HEG1: variants seen among roughly 807,000 people sequenced by gnomAD.
The protein encoded by HEG1 is heart development protein with EGF like domains 1.
HEG1 carries 56 observed loss-of-function variants against 125.6 expected under a neutral mutation model. The ratio of observed to expected loss-of-function variants is 0.45; its 90% CI spans 0.36 to 0.56. The LOEUF (loss-of-function observed/expected upper bound fraction) is 0.56, where lower values mean the gene tolerates loss of function less well. Among genes scored for constraint, HEG1 ranks in the 20% least tolerant of loss-of-function variants. The pLI is 0.00. For missense variants in HEG1, 1,523 were observed against 1,670.0 expected, an observed-to-expected ratio of 0.91 and a Z score of 1.53; for synonymous variants, 644 against 668.5, an observed-to-expected ratio of 0.96 and a Z score of 0.57.
At chr3:125,016,716 T>G (rs1937254493) in intron 5 of HEG1, among the ~76,000 whole-genome samples, 1 of 152,242 alleles carries the variant, frequency 6.6e-6, no homozygotes, top group South Asian at 2.1e-4. Context: ...CAATTAGGAT[T>G]CTTATATGGG....
At chr3:125,043,367 A>G (rs574161408) in intron 1 of HEG1, among the ~76,000 whole-genome samples, 32 of 152,182 alleles carry the variant, frequency 2.1e-4, no homozygotes, top group African/African-American at 7.2e-4. Flanking sequence ...GGAGTGAAAG[A>G]TGAAGGACCT....
intron 15 of HEG1, among the ~76,000 whole-genome samples, chr3:124,975,129 A>G (rs1333261845): frequency 2.6e-5 from 4 of 152,232 alleles, no homozygotes; most frequent in African/African-American, 4.8e-5. Flanking sequence ...GGCAATTTGG[A>G]AAATAATAGG....
rs1480925398 is a variant in HEG1, at chr3:124,969,413, G to C, written c.*1239C>G. ...GACTGGAAGTATAACCACGTTTCTGGAGGGTGCGACATAGCCATATGAAGA... is the reference window on the plus strand; with the variant it reads ...GACTGGAAGTATAACCACGTTTCTGCAGGGTGCGACATAGCCATATGAAGA... On this transcript the variant is annotated 3_prime_UTR_variant, in exon 17 of 17. Transcript: ENST00000311127. The C allele has an allele frequency of 6.6e-6, 1 of 152,228 alleles. No individual in the cohort carries two copies. The highest frequency in any genetic ancestry group is 1.5e-5 in the Non-Finnish European group (1 of 68,048). 9.4% of individuals were successfully genotyped at this position (152,228 alleles called of 1,614,324 possible). A position where few individuals can be genotyped will look rare whatever the true frequency, so the allele number is the denominator to read the frequency against.
At chr3:125,005,615 G>C (rs1937060548) in intron 8 of HEG1, among the ~76,000 whole-genome samples, 1 of 152,200 alleles carries the variant, frequency 6.6e-6, no homozygotes, top group Non-Finnish European at 1.5e-5. Context: ...ACTCCAAAGA[G>C]CCTTTTTTGT....
chr3:124,992,812 T>C (rs1159810988), intron 12 of HEG1, among the ~76,000 whole-genome samples: 1 of 152,252 alleles, frequency 6.6e-6, no homozygotes, highest in Non-Finnish European at 1.5e-5. Context: ...TTCTAAATCA[T>C]CTGTAATGTG....
At chr3:124,981,793 T>C (rs1453532938) in intron 14 of HEG1, among the ~76,000 whole-genome samples, 1 of 152,180 alleles carries the variant, frequency 6.6e-6, no homozygotes, top group Non-Finnish European at 1.5e-5. Context: ...TGGTGGATAA[T>C]TTGCTTTCTT....
rs188974447 is a variant in HEG1 at position 125,040,195 on chromosome 3, C to T, written c.317-10707G>A. Among the ~76,000 whole-genome samples the T allele has an allele frequency of 2.0e-5, 3 of 152,258 alleles. No homozygotes were observed. The East Asian group carries it at 5.8e-4, about 29-fold the overall frequency. On this transcript the variant is annotated intron_variant, in intron 1 of 16. Coordinates refer to ENST00000311127, the MANE Select transcript of HEG1 (RefSeq NM_020733.2). Reference sequence around the variant, plus strand: ...CTTCCAAGGGAAAATGTCTGGCAGACAGTTAAAGATTTGGGACCGTTGATT... The same window carrying T: ...CTTCCAAGGGAAAATGTCTGGCAGATAGTTAAAGATTTGGGACCGTTGATT...
intron 1 of HEG1, among the ~76,000 whole-genome samples, chr3:125,044,627 C>T (rs1268550277): frequency 2.0e-5 from 3 of 152,042 alleles, no homozygotes; most frequent in Non-Finnish European, 4.4e-5. Flanking sequence ...CAAGGTTACA[C>T]AGCAAATAGT....
chr3:125,046,749 G>C (rs1937677928), intron 1 of HEG1, among the ~76,000 whole-genome samples: 1 of 152,176 alleles, frequency 6.6e-6, no homozygotes, highest in Non-Finnish European at 1.5e-5. Context: ...AATCCAGGAG[G>C]TTTGCTGCAA....
intron 15 of HEG1, among the ~76,000 whole-genome samples, chr3:124,974,809 T>C (rs1936505552): frequency 6.6e-6 from 1 of 152,196 alleles, no homozygotes; most frequent in African/African-American, 2.4e-5. Flanking sequence ...TAAAACCAAA[T>C]GTCTAGCATG....
intron 14 of HEG1, among the ~76,000 whole-genome samples, chr3:124,987,812 G>A (rs1182287243): frequency 2.7e-5 from 4 of 150,912 alleles, no homozygotes; most frequent in East Asian, 3.9e-4. Context: ...GAGCCACAGC[G>A]CCCGGCCAAG....
chr3:125,035,501 G>A (rs937880913), intron 1 of HEG1, among the ~76,000 whole-genome samples: 8 of 152,072 alleles, frequency 5.3e-5, no homozygotes, highest in Non-Finnish European at 1.2e-4. Flanking sequence ...AAAGACAGTG[G>A]ATAAATATTT....
At chr3:125,046,414 C>G (rs754726461) in intron 1 of HEG1, among the ~76,000 whole-genome samples, 17,568 of 143,298 alleles carry the variant, frequency 0.12, 1,145 homozygotes, top group Middle Eastern at 0.22. Flanking sequence ...CACACACACA[C>G]ACACACACAC....
At chr3:125,050,790 AC>A (rs2107715257) in intron 1 of HEG1, among the ~76,000 whole-genome samples, 1 of 152,360 alleles carries the variant, frequency 6.6e-6, no homozygotes, top group South Asian at 2.1e-4. Context: ...ATCTTGATTT[AC>A]AAATCAGTCC....
Position 125,013,486 on chromosome 3 carries a change from G to C in HEG1, c.2093C>G (p.Ser698Cys), listed in dbSNP as rs757354443. The C allele has an allele frequency of 6.2e-7, 1 of 1,613,910 alleles. No individual in the cohort carries two copies. Among genetic ancestry groups the C allele is most frequent in the Non-Finnish European group, 8.5e-7 (1 of 1,179,872 alleles). ...FSSILPSTRA[S>C]VHLLKSTSDA... ...AGAGGTAGACTTTAGTAGATGCACA[G>C]AGGCCCTGGTTGATGGTAAAATTGA... Residue 698 changes from serine to cysteine, a missense_variant, in exon 6 of 17, where the codon TCT becomes TGT. Transcript: ENST00000311127.
chr3:125,051,182 A>C (rs1044336043), intron 1 of HEG1, among the ~76,000 whole-genome samples: 11 of 152,230 alleles, frequency 7.2e-5, no homozygotes, highest in Non-Finnish European at 1.6e-4. Context: ...CATTTTAAAG[A>C]CTTGTGGTCT....
chr3:125,021,061 G>T lies in HEG1; in HGVS notation c.983C>A (p.Thr328Lys). Residue 328 changes from threonine (T) to lysine (K), a missense_variant, in exon 4 of 17, where the codon ACA becomes AAA. Coordinates refer to ENST00000311127, the MANE Select transcript of HEG1 (RefSeq NM_020733.2). ...LQSSSVSQTK[T>K]MHVATVFTDG... ...AGTGAACACGGTGGCAACATGCATT[G>T]TCTTTGTTTGACTGACTGAGGAGCT... 3.7e-6 allele frequency: 6 copies of T among 1,607,176 alleles called. No homozygotes were observed. The highest frequency in any genetic ancestry group is 5.1e-6 in the Non-Finnish European group (6 of 1,176,758).
At chr3:125,029,760 C>T (rs1184382263) in intron 1 of HEG1, among the ~76,000 whole-genome samples, 1 of 152,120 alleles carries the variant, frequency 6.6e-6, no homozygotes, top group African/African-American at 2.4e-5. Flanking sequence ...GTCGTGATGG[C>T]AGGTGCCTGT....
chr3:124,967,482 T>A lies in HEG1; in HGVS notation c.*3170A>T, dbSNP rs1936337132. ...ATTTTTTTTTTTTTTTTTTTGCATT[T>A]CACGTCACTAATTTGGTTACTTCTT... is the stretch of plus-strand genomic sequence containing the variant. On this transcript the variant is annotated 3_prime_UTR_variant, in exon 17 of 17. Coordinates refer to ENST00000311127, the MANE Select transcript of HEG1 (RefSeq NM_020733.2). 1 of 150,774 alleles carries A rather than the reference T, an allele frequency of 6.6e-6. No individual in the cohort carries two copies. Among genetic ancestry groups the A allele is most frequent in the South Asian group, 2.1e-4 (1 of 4,754 alleles). 9.3% of individuals were successfully genotyped at this position (150,774 alleles called of 1,614,324 possible). A position where few individuals can be genotyped will look rare whatever the true frequency, so the allele number is the denominator to read the frequency against.
Sources: allele counts gnomAD v4.1 joint callset (sites outside exome capture counted in the v4.1 genomes callset), GRCh38; gene constraint gnomAD v4.1.1; transcripts MANE v1.5; gene names NCBI Gene and HGNC (gene_info 2026-07-23, HGNC 2026-07-21).